ENTREP2: variants seen among roughly 807,000 people sequenced by gnomAD.
ENTREP2 encodes the protein protein ENTREP2.
the ENTREP2 span, among the ~76,000 whole-genome samples, chr15:29,619,941 T>C: frequency 6.6e-6 from 1 of 152,086 alleles, no homozygotes; most frequent in Non-Finnish European, 1.5e-5. Flanking sequence ...CCTCAGACTC[T>C]AACTGGAGGA....
chr15:29,157,313 C>A, the ENTREP2 span, among the ~76,000 whole-genome samples: 4 of 152,128 alleles, frequency 2.6e-5, no homozygotes, highest in Non-Finnish European at 4.4e-5. Context: ...TATCTGCGGG[C>A]CCCTGTGTGT....
the ENTREP2 span, among the ~76,000 whole-genome samples, chr15:29,301,406 T>G: frequency 2.0e-5 from 3 of 152,220 alleles, no homozygotes; most frequent in Admixed American, 2.0e-4. Flanking sequence ...GAGTTTTCAG[T>G]AACAAAAATT....
At chr15:29,145,984 T>A in the ENTREP2 span, among the ~76,000 whole-genome samples, 1 of 152,144 alleles carries the variant, frequency 6.6e-6, no homozygotes, top group African/African-American at 2.4e-5. Context: ...GAGATCAATA[T>A]AAAAAATCAT....
chr15:29,478,017 A>AT, the ENTREP2 span, among the ~76,000 whole-genome samples: 486 of 56,892 alleles, frequency 8.5e-3, 5 homozygotes, highest in African/African-American at 0.011. Flanking sequence ...ATATATATAT[A>AT]TATTTTTTTT....
At chr15:29,405,917 A>G in the ENTREP2 span, among the ~76,000 whole-genome samples, 2 of 152,360 alleles carry the variant, frequency 1.3e-5, no homozygotes, top group East Asian at 3.9e-4. Context: ...TTTTATAACC[A>G]AAACAATGCA....
At chr15:29,380,848 C>CTT in the ENTREP2 span, among the ~76,000 whole-genome samples, 10 of 127,484 alleles carry the variant, frequency 7.8e-5, no homozygotes, top group East Asian at 4.5e-4. Flanking sequence ...TGCATCCACA[C>CTT]TTTTTTTTTT....
the ENTREP2 span, among the ~76,000 whole-genome samples, chr15:29,430,826 C>CT: frequency 6.6e-5 from 10 of 152,152 alleles, no homozygotes; most frequent in African/African-American, 1.7e-4. Flanking sequence ...AATGACCACT[C>CT]TGAGTCGGAT....
chr15:29,371,728 AAC>A, the ENTREP2 span, among the ~76,000 whole-genome samples: 1 of 152,192 alleles, frequency 6.6e-6, no homozygotes, highest in East Asian at 1.9e-4. Flanking sequence ...AGAATGATCA[AAC>A]AGTAGAATGG....
At chr15:29,249,136 T>C in the ENTREP2 span, among the ~76,000 whole-genome samples, 2 of 151,920 alleles carry the variant, frequency 1.3e-5, no homozygotes, top group Admixed American at 1.3e-4. Context: ...TAGTGAAACC[T>C]TGTCTCTACT....
At chr15:29,159,084 C>G in the ENTREP2 span, among the ~76,000 whole-genome samples, 1 of 152,180 alleles carries the variant, frequency 6.6e-6, no homozygotes, top group African/African-American at 2.4e-5. Flanking sequence ...ATTGGTCTCA[C>G]TGACTTCAAG....
the ENTREP2 span, among the ~76,000 whole-genome samples, chr15:29,202,358 G>T: frequency 6.6e-6 from 1 of 151,728 alleles, no homozygotes; most frequent in Non-Finnish European, 1.5e-5. Context: ...TTTATTTTTA[G>T]TTGAGAAATA....
chr15:29,438,141 T>C, the ENTREP2 span, among the ~76,000 whole-genome samples: 1 of 152,200 alleles, frequency 6.6e-6, no homozygotes, highest in Non-Finnish European at 1.5e-5. Flanking sequence ...CAAGCTGAGC[T>C]TGGTGTCTGT....
At chr15:29,348,154 T>C in the ENTREP2 span, among the ~76,000 whole-genome samples, 2 of 152,226 alleles carry the variant, frequency 1.3e-5, no homozygotes, top group African/African-American at 4.8e-5. Context: ...TGAATGCATT[T>C]ATTGAGTCCA....
the ENTREP2 span, among the ~76,000 whole-genome samples, chr15:29,558,728 GAC>G: frequency 9.1e-4 from 1 of 1,098 alleles, no homozygotes; most frequent in Non-Finnish European, 1.9e-3. Flanking sequence ...CTGCCACCCT[GAC>G]ACAGCAAAAC....
chr15:29,521,943 A>T, the ENTREP2 span, among the ~76,000 whole-genome samples: 1 of 152,094 alleles, frequency 6.6e-6, no homozygotes, highest in Admixed American at 6.5e-5. Context: ...AGACCAATAC[A>T]GTATAATCTC....
chr15:29,277,741 G>C, the ENTREP2 span, among the ~76,000 whole-genome samples: 1 of 152,142 alleles, frequency 6.6e-6, no homozygotes, highest in African/African-American at 2.4e-5. Context: ...CTCTAAAGTG[G>C]CTGTGTTCTC....
the ENTREP2 span, chr15:29,234,467 A>C: frequency 6.8e-7 from 1 of 1,479,348 alleles, no homozygotes; most frequent in Non-Finnish European, 9.5e-7. Flanking sequence ...TCTTGTGCCC[A>C]GCATTCGCCT....
At chr15:29,451,308 G>A in the ENTREP2 span, among the ~76,000 whole-genome samples, 4 of 152,106 alleles carry the variant, frequency 2.6e-5, no homozygotes, top group Admixed American at 2.0e-4. Context: ...CCTCTCGCCT[G>A]TTAGGTACCC....
the ENTREP2 span, among the ~76,000 whole-genome samples, chr15:29,591,535 C>A: frequency 1.3e-5 from 2 of 152,058 alleles, no homozygotes. Context: ...AGGATCTTTG[C>A]AGATAGAATC....
Sources: allele counts gnomAD v4.1 joint callset (sites outside exome capture counted in the v4.1 genomes callset), GRCh38; gene constraint gnomAD v4.1.1; transcripts MANE v1.5; gene names NCBI Gene and HGNC (gene_info 2026-07-23, HGNC 2026-07-21).